The following RAB37 variants were observed in gnomAD, a reference collection of about 807,000 sequenced individuals.
RAB37 encodes the protein ras-related protein Rab-37.
Under a neutral mutation model 33.1 loss-of-function variants are expected in RAB37, and 29 were observed. The observed-to-expected ratio is 0.88, with a 90% CI of 0.65 to 1.20. The LOEUF (loss-of-function observed/expected upper bound fraction) is 1.20. Ranked by LOEUF, RAB37 falls within the 50% of genes most tolerant of loss-of-function variation. The pLI is 0.00. For synonymous variants in RAB37, 128 were observed against 119.5 expected, an observed-to-expected ratio of 1.07 and a Z score of -0.47; for missense variants, 299 against 301.1, an observed-to-expected ratio of 0.99 and a Z score of 0.05.
intron 5 of RAB37, 88 bp downstream of exon 5, chr17:74,743,428 C>G: frequency 1.5e-6 from 2 of 1,361,180 alleles, no homozygotes; most frequent in Non-Finnish European, 2.1e-6. Flanking sequence ...CTGTGGAAAG[C>G]GGGTGGAGCG....
At chr17:74,711,138 A>G (rs778859691) in intron 1 of RAB37, among the ~76,000 whole-genome samples, 1 of 152,140 alleles carries the variant, frequency 6.6e-6, no homozygotes, top group African/African-American at 2.4e-5. Context: ...TAGAAGAGGG[A>G]AACAGGGTAA....
At chr17:74,689,816 T>C (rs974103000) in intron 1 of RAB37, among the ~76,000 whole-genome samples, 4 of 149,130 alleles carry the variant, frequency 2.7e-5, no homozygotes, top group African/African-American at 9.8e-5. Flanking sequence ...AAATTTATCT[T>C]ACTCATGGAT....
intron 1 of RAB37, among the ~76,000 whole-genome samples, chr17:74,706,024 A>G (rs982638096): frequency 1.3e-5 from 2 of 152,216 alleles, no homozygotes; most frequent in African/African-American, 2.4e-5. Context: ...GTTCTCACTT[A>G]TAAGTGGGAG....
intron 1 of RAB37, among the ~76,000 whole-genome samples, chr17:74,712,049 C>T (rs145139478): frequency 1.8e-4 from 27 of 151,538 alleles, no homozygotes; most frequent in African/African-American, 6.5e-4. Context: ...GTAGCTGGGA[C>T]CATAGGCACA....
intron 1 of RAB37, among the ~76,000 whole-genome samples, chr17:74,739,244 C>G (rs928324099): frequency 6.6e-6 from 1 of 152,230 alleles, no homozygotes; most frequent in Admixed American, 6.5e-5. Context: ...GATCTAGACC[C>G]CTGTTATCCA....
At chr17:74,672,154 C>T (rs928610523) in intron 1 of RAB37, among the ~76,000 whole-genome samples, 1 of 152,180 alleles carries the variant, frequency 6.6e-6, no homozygotes, top group African/African-American at 2.4e-5. Context: ...TCCCTCACAG[C>T]CCCTGTAAGC....
chr17:74,691,559 A>G (rs1249584415), intron 1 of RAB37, among the ~76,000 whole-genome samples: 1 of 152,192 alleles, frequency 6.6e-6, no homozygotes, highest in Non-Finnish European at 1.5e-5. Context: ...GCTCTTCAGC[A>G]GCCCATGTCC....
intron 1 of RAB37, among the ~76,000 whole-genome samples, chr17:74,728,786 A>G (rs898452930): frequency 5.4e-5 from 8 of 149,090 alleles, no homozygotes; most frequent in South Asian, 2.1e-4. Flanking sequence ...TTTCTGTGTC[A>G]TGTGTGTTCT....
In RAB37 at chr17:74,710,196, C is replaced by T. The variant is rs568795919; in HGVS notation, c.73-19060C>T. Among the ~76,000 whole-genome samples the T allele has an allele frequency of 2.7e-5, 4 of 150,914 alleles. No individual in the cohort carries two copies. The South Asian group carries it at 6.3e-4, about 24-fold the overall frequency. ...GGTTTCACCGTAGCCAGGATGGTCTCGATCTCCTGACCTTGTGATCCGCCT... is the reference window on the plus strand; with the variant it reads ...GGTTTCACCGTAGCCAGGATGGTCTTGATCTCCTGACCTTGTGATCCGCCT... On this transcript the variant is annotated intron_variant, in intron 1 of 7. Transcript: ENST00000340415.
Position 74,744,191 on chromosome 17 carries a change from G to T in RAB37, c.367-117G>T. 1.0e-6 allele frequency: 1 copy of T among 995,470 alleles called. No individual in the cohort carries two copies. Among genetic ancestry groups the T allele is most frequent in the Non-Finnish European group, 1.5e-6 (1 of 666,812 alleles). The allele number at this position is 995,470 out of a possible 1,614,324, so 61.7% of individuals were successfully genotyped here. A position where few individuals can be genotyped will look rare whatever the true frequency, so the allele number is the denominator to read the frequency against. ...GGCCAGAACAAAGGTACAGATGAGA[G>T]AACGCACAGGGTATCGTGTTCAAGG... On this transcript the variant is annotated intron_variant, in intron 5 of 8. Coordinates refer to ENST00000392613, the MANE Select transcript of RAB37 (RefSeq NM_001006638.3). This position sits in a 1 kb window ranked among gnomAD's most constrained non-coding sequence, Gnocchi z 4.2.
intron 1 of RAB37, among the ~76,000 whole-genome samples, chr17:74,739,525 CTTTTTT>C (rs1166150273): frequency 7.6e-6 from 1 of 131,310 alleles, no homozygotes; most frequent in Non-Finnish European, 1.6e-5. Flanking sequence ...TTCATGCAAC[CTTTTTT>C]TTTTTTTTTT....
intron 1 of RAB37, among the ~76,000 whole-genome samples, chr17:74,722,269 C>G (rs1199568208): frequency 7.0e-6 from 1 of 142,764 alleles, no homozygotes; most frequent in Non-Finnish European, 1.5e-5. Context: ...GGCGACAGAG[C>G]GAGACTCTGT....
At chr17:74,713,134 G>A (rs192057485) in intron 1 of RAB37, among the ~76,000 whole-genome samples, 4 of 151,800 alleles carry the variant, frequency 2.6e-5, no homozygotes, top group Non-Finnish European at 5.9e-5. Flanking sequence ...GTGAAACCCC[G>A]TCTCTACTAG....
chr17:74,723,575 C>A (rs2034268460), intron 1 of RAB37, among the ~76,000 whole-genome samples: 1 of 133,184 alleles, frequency 7.5e-6, no homozygotes, highest in African/African-American at 2.7e-5. Flanking sequence ...AATTAACTAA[C>A]TTTTTTTTTT....
chr17:74,712,204 C>T (rs2034013779), intron 1 of RAB37, among the ~76,000 whole-genome samples: 2 of 152,244 alleles, frequency 1.3e-5, no homozygotes, highest in South Asian at 4.1e-4. Context: ...CCCTGGCCTC[C>T]CTTCATTTTT....
At chr17:74,704,393 G>A in intron 1 of RAB37, 1 of 982,792 alleles carries the variant, frequency 1.0e-6, no homozygotes, top group Non-Finnish European at 1.5e-6. Context: ...ATCACTCAGT[G>A]ACAATTAAAT....
upstream of RAB37, among the ~76,000 whole-genome samples, chr17:74,735,026 A>G (rs1036280191): frequency 0.041 from 2,022 of 48,880 alleles, 34 homozygotes; most frequent in African/African-American, 0.099. Flanking sequence ...AGGAAGAAAG[A>G]AAGAAAGAAA....
At chr17:74,689,857 T>C (rs974993000) in intron 1 of RAB37, among the ~76,000 whole-genome samples, 2 of 152,186 alleles carry the variant, frequency 1.3e-5, no homozygotes, top group Non-Finnish European at 2.9e-5. Flanking sequence ...TAGTTTTTTT[T>C]TCTCCCTCAA....
intron 1 of RAB37, chr17:74,698,613 C>T (rs1314040035): frequency 6.7e-7 from 1 of 1,494,744 alleles, no homozygotes; most frequent in Non-Finnish European, 8.9e-7. Flanking sequence ...AGCCTGGGAA[C>T]CCTCACTCCT....
Sources: gnomAD v4.1 joint callset for allele counts (sites outside exome capture counted in the v4.1 genomes callset) on GRCh38, gnomAD v4.1.1 for gene constraint, Gnocchi (gnomAD v3.1) non-coding constraint, MANE v1.5 for transcripts, NCBI Gene and HGNC (gene_info 2026-07-23, HGNC 2026-07-21) for gene names.